The following OSBPL9 variants were observed in gnomAD, a reference collection of about 807,000 sequenced individuals.
The protein encoded by OSBPL9 is oxysterol-binding protein-related protein 9.
In OSBPL9, 40 loss-of-function variants were observed where a neutral mutation model predicts 106.6. That is an observed-to-expected ratio of 0.38 (90% CI 0.29 to 0.49). The LOEUF (loss-of-function observed/expected upper bound fraction) is 0.49. Among genes scored for constraint, OSBPL9 ranks in the 20% least tolerant of loss-of-function variants. OSBPL9 has a pLI of 0.97. For missense variants in OSBPL9, 609 were observed against 887.2 expected (o/e 0.69, Z 3.98); for synonymous variants, 269 against 295.4 (o/e 0.91, Z 0.92).
intron 3 of OSBPL9, among the ~76,000 whole-genome samples, chr1:51,695,529 C>T (rs765453595): frequency 1.3e-5 from 2 of 152,072 alleles, no homozygotes; most frequent in African/African-American, 2.4e-5. Flanking sequence ...GAGTTTCTGT[C>T]GTTCATTCTT....
At chr1:51,674,502 T>C (rs1164482342) in intron 3 of OSBPL9, among the ~76,000 whole-genome samples, 2 of 152,172 alleles carry the variant, frequency 1.3e-5, no homozygotes, top group African/African-American at 4.8e-5. Context: ...GTTTAAGGTG[T>C]CTGTGGGACA....
chr1:51,546,078 G>A, the OSBPL9 span, among the ~76,000 whole-genome samples: 23 of 151,932 alleles, frequency 1.5e-4, no homozygotes, highest in African/African-American at 3.4e-4. Context: ...GTGCAGTGGC[G>A]CAATCTCAGC....
In OSBPL9 at chr1:51,747,554, T is replaced by A. The variant is rs1201201076; in HGVS notation, c.462+797T>A. Among the ~76,000 whole-genome samples the A allele has an allele frequency of 8.8e-5, 8 of 90,818 alleles. No homozygotes were observed. The East Asian group carries it at 1.5e-3, about 17-fold the overall frequency. The allele number at this position is 90,818 out of a possible 152,430, so 59.6% of individuals were successfully genotyped here. The stretch of plus-strand genomic sequence containing the variant: ...AATTAACATTTTTCCTCTCCTTGGC[T>A]TTTTTTTTTTTTTTTTTTTTTTTGC... On this transcript the variant is annotated intron_variant, in intron 6 of 23. Transcript: ENST00000428468.
At chr1:51,622,475 A>G (rs1175225408) in intron 1 of OSBPL9, among the ~76,000 whole-genome samples, 1 of 152,174 alleles carries the variant, frequency 6.6e-6, no homozygotes, top group Non-Finnish European at 1.5e-5. Flanking sequence ...TTGTTACCTC[A>G]TAGTTTTCGT....
chr1:51,787,264 A>G, intron 22 of OSBPL9, 89 bp from the exon 23 acceptor site: 3 of 1,311,414 alleles, frequency 2.3e-6, no homozygotes, highest in Non-Finnish European at 3.2e-6. Context: ...ACAGCACTTA[A>G]AGCCATTTGA....
At chr1:51,656,490 C>T (rs1267273559) in intron 2 of OSBPL9, among the ~76,000 whole-genome samples, 1 of 152,090 alleles carries the variant, frequency 6.6e-6, no homozygotes, top group Non-Finnish European at 1.5e-5. Context: ...TTTCTTATAT[C>T]ATGGAAGTTC....
intron 12 of OSBPL9, among the ~76,000 whole-genome samples, chr1:51,769,996 G>C (rs1394042143): frequency 6.6e-6 from 1 of 151,902 alleles, no homozygotes. Flanking sequence ...TGAGACAGAG[G>C]GTCTCACTCT....
chr1:51,730,207 T>C (rs1571376507), intron 4 of OSBPL9: 1 of 1,200,304 alleles, frequency 8.3e-7, no homozygotes, highest in Non-Finnish European at 1.0e-6. Flanking sequence ...GAGGCTGAGG[T>C]CAGGGCCTCC....
the OSBPL9 span, among the ~76,000 whole-genome samples, chr1:51,533,845 CTTTTTTTT>C: frequency 8.6e-6 from 1 of 116,332 alleles, no homozygotes; most frequent in Non-Finnish European, 1.8e-5. Flanking sequence ...TTTTTTCTTT[CTTTTTTTT>C]TTTTTTTTTG....
At chr1:51,716,112 A>G (rs1376055685) in intron 4 of OSBPL9, among the ~76,000 whole-genome samples, 1 of 152,260 alleles carries the variant, frequency 6.6e-6, no homozygotes, top group Non-Finnish European at 1.5e-5. Context: ...TGGGCAGAAA[A>G]AGATAACTTT....
intron 3 of OSBPL9, among the ~76,000 whole-genome samples, chr1:51,705,898 T>A (rs1295782920): frequency 3.3e-5 from 5 of 152,232 alleles, no homozygotes; most frequent in Admixed American, 3.3e-4. Context: ...CATTTCACAT[T>A]TTATTCTTAG....
chr1:51,627,507 TAC>T (rs145341416), intron 1 of OSBPL9, among the ~76,000 whole-genome samples: 9,159 of 152,302 alleles, frequency 0.06, 383 homozygotes, highest in Middle Eastern at 0.14. Context: ...TGTCTGTACT[TAC>T]GCCTGTACTA....
In OSBPL9 at chr1:51,591,328, T is replaced by G. The variant is rs544034088; in HGVS notation, c.-422-6796T>G. ...TTCAGGCAATCCTGCCACTTCAGCCTCCCAAAACACTAGGATTACAGGCGT... is the reference window on the plus strand; with the variant it reads ...TTCAGGCAATCCTGCCACTTCAGCCGCCCAAAACACTAGGATTACAGGCGT... On this transcript the variant is annotated intron_variant, in intron 1 of 25. Coordinates refer to the OSBPL9 transcript ENST00000371714. 3.3e-5 allele frequency among the ~76,000 whole-genome samples: 5 copies of G among 152,310 alleles called. No homozygotes were observed. In the East Asian group the frequency reaches 9.6e-4, roughly 29 times the overall value.
At chr1:51,550,576 G>A in the OSBPL9 span, among the ~76,000 whole-genome samples, 2 of 152,050 alleles carry the variant, frequency 1.3e-5, no homozygotes, top group East Asian at 1.9e-4. Context: ...GCAGTTGTGC[G>A]ATCTCGGCCC....
intron 2 of OSBPL9, among the ~76,000 whole-genome samples, chr1:51,599,263 T>C (rs1317084000): frequency 6.6e-6 from 1 of 152,336 alleles, no homozygotes; most frequent in Non-Finnish European, 1.5e-5. Context: ...AGCACTGTTA[T>C]GTTCATAATG....
upstream of OSBPL9, among the ~76,000 whole-genome samples, chr1:51,614,600 C>T (rs908123773): frequency 1.3e-5 from 2 of 152,108 alleles, no homozygotes; most frequent in Non-Finnish European, 2.9e-5. Flanking sequence ...CCACCAAGCC[C>T]GGCCCACACC....
chr1:51,705,045 T>C (rs1658131150), intron 3 of OSBPL9, among the ~76,000 whole-genome samples: 1 of 152,178 alleles, frequency 6.6e-6, no homozygotes, highest in Non-Finnish European at 1.5e-5. Flanking sequence ...ATATTTCTTT[T>C]GCACAAATAA....
At chr1:51,599,787 A>G (rs1022914055) in intron 2 of OSBPL9, among the ~76,000 whole-genome samples, 1 of 152,218 alleles carries the variant, frequency 6.6e-6, no homozygotes, top group South Asian at 2.1e-4. Context: ...TTGTGCTACT[A>G]TAACAAAGTA....
intron 1 of OSBPL9, among the ~76,000 whole-genome samples, chr1:51,579,902 G>C (rs945598793): frequency 1.5e-5 from 2 of 131,522 alleles, no homozygotes; most frequent in African/African-American, 3.3e-5. Context: ...AAACGTTCTT[G>C]AAGACTCAAG....
Sources: gnomAD v4.1 joint callset for allele counts (sites outside exome capture counted in the v4.1 genomes callset) on GRCh38, gnomAD v4.1.1 for gene constraint, MANE v1.5 for transcripts, NCBI Gene and HGNC (gene_info 2026-07-23, HGNC 2026-07-21) for gene names.